Variants in NME9 observed in about 807,000 individuals in gnomAD.
NME9 encodes thioredoxin domain-containing protein 6.
NME9 carries 48 observed loss-of-function variants against 44.4 expected under a neutral mutation model. The ratio of observed to expected loss-of-function variants is 1.08; its 90% CI spans 0.86 to 1.37. The LOEUF is 1.37. Among genes scored for constraint, NME9 ranks in the 40% most tolerant of loss-of-function variants. The probability of loss-of-function intolerance (pLI) is 0.00; values close to 1 mark genes in which losing one functional copy is unlikely to be tolerated. For missense variants in NME9, 325 were observed against 405.2 expected (o/e 0.80, Z 1.70); for synonymous variants, 139 against 147.1 (o/e 0.94, Z 0.40).
In NME9 at chr3:138,266,180, A is replaced by G. The variant is rs192625855; in HGVS notation, c.746-3594T>C. On this transcript the variant is annotated intron_variant, in intron 8 of 8. Coordinates refer to the NME9 transcript ENST00000317876. ...CCTGAGTTTCACTCTTTTTCACCCT[A>G]TTAGACATATGTCATCTCTTCTGAA... Among the ~76,000 whole-genome samples, 15 of 152,266 alleles carry G rather than the reference A, an allele frequency of 9.9e-5. 1 individual carries two copies. Among genetic ancestry groups the G allele is most frequent in the Admixed American group, 8.5e-4 (13 of 15,306 alleles).
At chr3:138,318,278 T>G (rs1210596305) in intron 3 of NME9, 59 bp from the exon 4 acceptor site, 1 of 1,127,882 alleles carries the variant, frequency 8.9e-7, no homozygotes, top group Non-Finnish European at 1.4e-6. Context: ...GCCCAATTGA[T>G]TGGTGGGAAA....
chr3:138,311,809 C>T (rs772545325), intron 6 of NME9, among the ~76,000 whole-genome samples: 1 of 152,030 alleles, frequency 6.6e-6, no homozygotes, highest in Non-Finnish European at 1.5e-5. Flanking sequence ...AATTTCAAAG[C>T]CTTCCCTCAA....
chr3:138,306,090 C>T lies in NME9; in HGVS notation c.550G>A (p.Glu184Lys), dbSNP rs1560097531. 5.0e-6 allele frequency: 8 copies of T among 1,605,056 alleles called. No individual in the cohort carries two copies. Among genetic ancestry groups the T allele is most frequent in the Non-Finnish European group, 6.8e-6 (8 of 1,171,870 alleles). ...TTTGTTAGAATTTCAAACCCAGCTT[C>T]CTGAATCTGTAGAATATATATAAAT... Reference protein sequence around the residue: ...KTDEIIMKIQEAGFEILTNEE... With the variant: ...KTDEIIMKIQKAGFEILTNEE... Residue 184 changes from glutamate to lysine, a missense_variant, in exon 8 of 11, where the codon GAA (glutamate) becomes AAA (lysine). Transcript: ENST00000333911.
intron 6 of NME9, 33 bp from the exon 7 acceptor site, chr3:138,306,513 T>C: frequency 7.3e-7 from 1 of 1,372,862 alleles, no homozygotes; most frequent in Non-Finnish European, 1.0e-6. Flanking sequence ...CAGATGCTGA[T>C]GTTTGAGGCT....
chr3:138,319,563 C>T lies in NME9; in HGVS notation c.110G>A (p.Gly37Asp). Reference sequence around the variant, plus strand: ...CACAGGTTTGCAGGGGCCACACCAGCCTTGATAGACATCAACAACTGTGTG... The same window carrying T: ...CACAGGTTTGCAGGGGCCACACCAGTCTTGATAGACATCAACAACTGTGTG... The part of the protein sequence containing the change: ...KGLTVVDVYQ[G>D]WCGPCKPVVS... Residue 37 changes from glycine to aspartate, a missense_variant, in exon 3 of 11, where the codon GGC becomes GAC. Physicochemically the swap from Gly to Asp is moderately conservative, Grantham distance 94 (BLOSUM62 -1). Transcript: ENST00000333911. 6.2e-7 allele frequency: 1 copy of T among 1,609,950 alleles called. No individual in the cohort carries two copies. The highest frequency in any genetic ancestry group is 8.5e-7 in the Non-Finnish European group (1 of 1,176,250).
chr3:138,316,228 T>G (rs534354235), intron 4 of NME9, among the ~76,000 whole-genome samples: 1 of 152,286 alleles, frequency 6.6e-6, no homozygotes, highest in South Asian at 2.1e-4. Flanking sequence ...AACCAGCAGT[T>G]CATTAAGGGA....
At chr3:138,315,485 G>T (rs758891265) in intron 5 of NME9, 42 bp downstream of exon 5, 3 of 1,331,502 alleles carry the variant, frequency 2.3e-6, no homozygotes, top group Admixed American at 3.9e-5. Context: ...CCCTACTAGC[G>T]CACTTGTGAG....
Position 138,270,076 on chromosome 3 carries a change from G to A in NME9, c.746-7490C>T. 7 of 1,613,462 alleles carry A rather than the reference G, an allele frequency of 4.3e-6. 1 individual carries two copies. The highest frequency in any genetic ancestry group is 5.9e-6 in the Non-Finnish European group (7 of 1,179,678). ...ATCAGGAGCCGTAGAGCTACTTTGT[G>A]GATTAACTCAGAGTGAAAATCCTGC... On this transcript the variant is annotated intron_variant, in intron 8 of 8. Coordinates refer to the NME9 transcript ENST00000317876.
At chr3:138,276,217 G>C (rs1032240928) in intron 8 of NME9, among the ~76,000 whole-genome samples, 25 of 152,182 alleles carry the variant, frequency 1.6e-4, no homozygotes, top group African/African-American at 6.0e-4. Flanking sequence ...CGGCTCACTA[G>C]CTAGAAGTTT....
At chr3:138,323,604 G>C (rs2108464122) in intron 2 of NME9, among the ~76,000 whole-genome samples, 1 of 152,204 alleles carries the variant, frequency 6.6e-6, no homozygotes, top group South Asian at 2.1e-4. Context: ...CATATGAGGA[G>C]GCTAATTTTG....
intron 8 of NME9, chr3:138,264,041 G>A: frequency 8.4e-7 from 1 of 1,195,480 alleles, no homozygotes; most frequent in Non-Finnish European, 1.2e-6. Context: ...TGCTTGAAGT[G>A]TACATTAGTC....
chr3:138,308,902 A>G (rs1429587252), intron 6 of NME9, among the ~76,000 whole-genome samples: 2 of 149,222 alleles, frequency 1.3e-5, no homozygotes, highest in African/African-American at 5.0e-5. Flanking sequence ...TAGAAACTAT[A>G]TAGGCCAGGA....
chr3:138,270,167 A>ATAGCTGTATTCCTTTTGT, intron 8 of NME9: 2 of 1,382,098 alleles, frequency 1.4e-6, no homozygotes, highest in Non-Finnish European at 2.1e-6. Flanking sequence ...ATAACTTACA[A>ATAGCTGTATTCCTTTTGT]AAGGAATACA....
At chr3:138,273,747 A>G (rs2048996784) in intron 8 of NME9, among the ~76,000 whole-genome samples, 2 of 150,058 alleles carry the variant, frequency 1.3e-5, no homozygotes, top group Admixed American at 1.3e-4. Context: ...CCAAGATAGT[A>G]TTAGGAAATC....
At chr3:138,311,200 T>C (rs564114003) in intron 6 of NME9, among the ~76,000 whole-genome samples, 1 of 152,132 alleles carries the variant, frequency 6.6e-6, no homozygotes, top group African/African-American at 2.4e-5. Context: ...CATGAAGAAA[T>C]AGAAAACCTC....
In NME9 at chr3:138,306,012, C is replaced by CT. The variant is rs1560097108; in HGVS notation, c.627dup (p.Ala210SerfsTer7). ...GAAGTAGATGAGCTGACCTCTCCAGCTTTGTGTTGGTAGAAAAGTCGCACT... is the reference window on the plus strand; with the variant it reads ...GAAGTAGATGAGCTGACCTCTCCAGCTTTTGTGTTGGTAGAAAAGTCGCACT... On this transcript the variant is annotated frameshift_variant, in exon 8 of 11. Transcript: ENST00000333911. LOFTEE classifies it high-confidence loss of function. The CT allele has an allele frequency of 6.2e-7, 1 of 1,610,314 alleles. No individual in the cohort carries two copies. Among genetic ancestry groups the CT allele is most frequent in the Non-Finnish European group, 8.5e-7 (1 of 1,176,530 alleles).
chr3:138,271,164 C>A (rs2048753055), intron 8 of NME9, among the ~76,000 whole-genome samples: 1 of 152,152 alleles, frequency 6.6e-6, no homozygotes, highest in African/African-American at 2.4e-5. Flanking sequence ...TCTAAGAAAG[C>A]AACAAATCTG....
intron 2 of NME9, 133 bp downstream of exon 2, chr3:138,324,740 A>ACACAC: frequency 1.7e-6 from 1 of 586,966 alleles, no homozygotes; most frequent in Non-Finnish European, 3.2e-6. Context: ...ACACACACAC[A>ACACAC]TCACCTGGTT....
rs199841596 is a variant in NME9 at position 138,303,639 on chromosome 3, G to A, written c.796C>T (p.Arg266Ter). Reference sequence around the variant, plus strand: ...GGCATTTCTGTGCCGTACTGAGCTCGGAGACTGGGAACATTGGCAAAATGT... The same window carrying A: ...GGCATTTCTGTGCCGTACTGAGCTCAGAGACTGGGAACATTGGCAAAATGT... ...VARREQPESL[R>*]AQYGTEMPFN... Residue 266 changes from arginine to a stop codon, truncating the protein, a stop_gained, in exon 10 of 11, where the codon CGA (arginine) becomes TGA (stop). Transcript: ENST00000333911. LOFTEE classifies it high-confidence loss of function. 49 of 1,598,472 alleles carry A rather than the reference G, an allele frequency of 3.1e-5. No individual in the cohort carries two copies. The East Asian group carries it at 3.4e-4, about 11-fold the overall frequency.
Sources: allele counts gnomAD v4.1 joint callset (sites outside exome capture counted in the v4.1 genomes callset), GRCh38; gene constraint gnomAD v4.1.1; transcripts MANE v1.5; gene names NCBI Gene and HGNC (gene_info 2026-07-23, HGNC 2026-07-21).